GNAL: variants seen among roughly 807,000 people sequenced by gnomAD.
GNAL encodes the protein guanine nucleotide-binding protein G(olf) subunit alpha.
Under a neutral mutation model 55.1 loss-of-function variants are expected in GNAL, and 18 were observed. The observed-to-expected ratio is 0.33, with a 90% CI of 0.23 to 0.48. GNAL has a LOEUF of 0.48. Among genes scored for constraint, GNAL ranks in the 20% least tolerant of loss-of-function variants. The pLI is 0.99. For synonymous variants in GNAL, 253 were observed against 237.0 expected (o/e 1.07, Z -0.62); for missense variants, 412 against 614.1 (o/e 0.67, Z 3.48).
chr18:11,792,004 C>G (rs568083421), intron 4 of GNAL, among the ~76,000 whole-genome samples: 1 of 152,134 alleles, frequency 6.6e-6, no homozygotes, highest in Non-Finnish European at 1.5e-5. Context: ...ATTTTAATTT[C>G]CTGCTAATTT....
chr18:11,764,667 G>T (rs2033350339), intron 4 of GNAL, among the ~76,000 whole-genome samples: 1 of 152,126 alleles, frequency 6.6e-6, no homozygotes, highest in African/African-American at 2.4e-5. Context: ...TGGGTGTGGT[G>T]GCTGCCACCT....
chr18:11,720,302 TAAAAC>T (rs1307589018), intron 1 of GNAL, among the ~76,000 whole-genome samples: 2 of 152,160 alleles, frequency 1.3e-5, no homozygotes, highest in Non-Finnish European at 2.9e-5. Flanking sequence ...ATCTAAAACA[TAAAAC>T]AAAAATAATT....
At chr18:11,829,197 C>G (rs905928464) in intron 5 of GNAL, among the ~76,000 whole-genome samples, 14 of 152,222 alleles carry the variant, frequency 9.2e-5, no homozygotes, top group African/African-American at 3.4e-4. Flanking sequence ...GCCTCTGTTT[C>G]AGCTTTCTGA....
intron 10 of GNAL, among the ~76,000 whole-genome samples, chr18:11,875,609 T>A (rs2036512888): frequency 6.6e-6 from 1 of 152,066 alleles, no homozygotes; most frequent in Admixed American, 6.6e-5. Flanking sequence ...CCTGGCCACG[T>A]GAGATGTCTC....
intron 4 of GNAL, among the ~76,000 whole-genome samples, chr18:11,786,218 A>G (rs2034051904): frequency 6.6e-6 from 1 of 152,142 alleles, no homozygotes; most frequent in Non-Finnish European, 1.5e-5. Flanking sequence ...TTATATCCTC[A>G]CAGGGCAGTA....
chr18:11,824,022 C>A (rs1374292156), intron 4 of GNAL, among the ~76,000 whole-genome samples: 2 of 151,946 alleles, frequency 1.3e-5, no homozygotes, highest in African/African-American at 4.8e-5. Context: ...CTGGAATGAA[C>A]GAAAAATCAC....
At chr18:11,849,713 C>A (rs1032669763) in intron 5 of GNAL, among the ~76,000 whole-genome samples, 3 of 151,980 alleles carry the variant, frequency 2.0e-5, no homozygotes, top group Non-Finnish European at 4.4e-5. Context: ...TGTTTATATT[C>A]CATTTCTAGA....
intron 4 of GNAL, among the ~76,000 whole-genome samples, chr18:11,758,997 AC>A (rs1242711186): frequency 1.3e-5 from 2 of 152,162 alleles, no homozygotes; most frequent in Admixed American, 1.3e-4. Flanking sequence ...ACGTGGTGAA[AC>A]CCCGTCTCTA....
At chr18:11,822,350 GT>G (rs1160549326) in intron 4 of GNAL, among the ~76,000 whole-genome samples, 1 of 152,150 alleles carries the variant, frequency 6.6e-6, no homozygotes, top group African/African-American at 2.4e-5. Context: ...CACACCTGTC[GT>G]CCCCGCTGCT....
chr18:11,838,147 G>A (rs111310835), intron 5 of GNAL, among the ~76,000 whole-genome samples: 35 of 152,190 alleles, frequency 2.3e-4, no homozygotes, highest in African/African-American at 6.3e-4. Context: ...AAGCGTTAAC[G>A]ACCCAAATGC....
At chr18:11,734,558 A>T (rs1283672230) in intron 1 of GNAL, among the ~76,000 whole-genome samples, 1 of 151,608 alleles carries the variant, frequency 6.6e-6, no homozygotes, top group African/African-American at 2.4e-5. Context: ...GTCCTTGGAG[A>T]GCAGCAATTT....
At position 11,868,748 on chromosome 18, in the gene GNAL, C is replaced by T. The variant is rs2036322878; in HGVS notation, c.1031+85C>T. 1 of 1,174,082 alleles carries T rather than the reference C, an allele frequency of 8.5e-7. No individual in the cohort carries two copies. The highest frequency in any genetic ancestry group is 1.2e-6 in the Non-Finnish European group (1 of 820,274). 72.7% of individuals were successfully genotyped at this position (1,174,082 alleles called of 1,614,324 possible). ...TACGCTCAGGCCAGGCGTTGTGGCT[C>T]ACACCTGTAATCTCAACACTGGGAG... On this transcript the variant is annotated intron_variant, in intron 9 of 11. Transcript: ENST00000334049. The surrounding 1 kb of genome is among the most constrained non-coding windows in gnomAD (Gnocchi z 4.0).
chr18:11,715,158 A>G (rs1265881878), intron 1 of GNAL, among the ~76,000 whole-genome samples: 1 of 151,044 alleles, frequency 6.6e-6, no homozygotes, highest in African/African-American at 2.5e-5. Context: ...AAAAAAAAGA[A>G]AGAAAAGAAA....
chr18:11,847,821 C>T (rs1382742410), intron 5 of GNAL, among the ~76,000 whole-genome samples: 1 of 152,050 alleles, frequency 6.6e-6, no homozygotes, highest in Non-Finnish European at 1.5e-5. Flanking sequence ...ATAATAATCC[C>T]AAAATAATCT....
At chr18:11,711,740 ATTTGT>A (rs2031844131) in intron 1 of GNAL, among the ~76,000 whole-genome samples, 1 of 151,720 alleles carries the variant, frequency 6.6e-6, no homozygotes, top group Admixed American at 6.6e-5. Context: ...GTTACTGGTG[ATTTGT>A]TTTGTTCATT....
chr18:11,690,606 C>A (rs1288770482), intron 1 of GNAL, among the ~76,000 whole-genome samples: 1 of 111,124 alleles, frequency 9.0e-6, no homozygotes, highest in Non-Finnish European at 1.8e-5. Context: ...CTATCCCTCC[C>A]CCCTCCCCCC....
intron 5 of GNAL, among the ~76,000 whole-genome samples, chr18:11,838,309 CCA>C (rs1050776601): frequency 1.2e-4 from 18 of 152,144 alleles, no homozygotes; most frequent in Non-Finnish European, 2.4e-4. Context: ...ACACAAAAGA[CCA>C]CATATGGTAT....
Position 11,762,703 on chromosome 18 carries a change from A to G in GNAL, c.624+8758A>G, listed in dbSNP as rs57345545. 7.3e-3 allele frequency among the ~76,000 whole-genome samples: 1,118 copies of G among 152,334 alleles called. 14 individuals are homozygous for G. Among genetic ancestry groups the G allele is most frequent in the African/African-American group, 0.026 (1,070 of 41,580 alleles). On this transcript the variant is annotated intron_variant, in intron 4 of 11. Coordinates refer to ENST00000334049, the MANE Select transcript of GNAL (RefSeq NM_182978.4). ...GCCAAGGGGCCTGGGCTTCCTCCTC[A>G]AGGCTGGGGAGAACCATTCCACGGT...
At chr18:11,755,811 C>G (rs2033036249) in intron 4 of GNAL, among the ~76,000 whole-genome samples, 1 of 152,120 alleles carries the variant, frequency 6.6e-6, no homozygotes, top group South Asian at 2.1e-4. Flanking sequence ...GATGCTCCAG[C>G]CACACCAGGA....
Sources: gnomAD v4.1 joint callset for allele counts (sites outside exome capture counted in the v4.1 genomes callset) on GRCh38, gnomAD v4.1.1 for gene constraint, Gnocchi (gnomAD v3.1) non-coding constraint, MANE v1.5 for transcripts, NCBI Gene and HGNC (gene_info 2026-07-23, HGNC 2026-07-21) for gene names.